Variants in PFKFB3 observed in about 807,000 individuals in gnomAD.
The protein encoded by PFKFB3 is 6-phosphofructo-2-kinase/fructose-2,6-bisphosphatase 3.
Under a neutral mutation model 68.0 loss-of-function variants are expected in PFKFB3, and 33 were observed. The observed-to-expected ratio is 0.49, with a 90% confidence interval of 0.37 to 0.65. The LOEUF is 0.65. Ranked by LOEUF, PFKFB3 falls within the 30% of genes least tolerant of loss-of-function variation. The pLI, the probability that PFKFB3 is intolerant of heterozygous loss-of-function variation, is 0.00. For synonymous variants in PFKFB3, 315 were observed against 288.2 expected, an observed-to-expected ratio of 1.09 and a Z score of -0.94; for missense variants, 586 against 712.2, an observed-to-expected ratio of 0.82 and a Z score of 2.02.
chr10:6,300,902 A>G, the PFKFB3 span, among the ~76,000 whole-genome samples: 1 of 152,198 alleles, frequency 6.6e-6, no homozygotes, highest in African/African-American at 2.4e-5. Flanking sequence ...CAGGATTTGA[A>G]AGGAGACAGG....
chr10:6,219,553 C>G lies in PFKFB3; in HGVS notation c.499-16C>G. 6.2e-7 allele frequency: 1 copy of G among 1,613,974 alleles called. No individual in the cohort carries two copies. The highest frequency in any genetic ancestry group is 2.2e-5 in the East Asian group (1 of 44,886). ...TTCCAGCGTGATTTATCAGCCACCC[C>G]TTTGTGGTGTTGCAGGAAGTTAAAA... On this transcript the variant is annotated splice_polypyrimidine_tract_variant and intron_variant, in intron 6 of 14. Transcript: ENST00000379775.
the PFKFB3 span, among the ~76,000 whole-genome samples, chr10:6,305,347 A>ATT: frequency 4.0e-5 from 3 of 75,718 alleles, no homozygotes; most frequent in East Asian, 1.1e-3. Flanking sequence ...AATATTAGGA[A>ATT]TTTTTTTTTT....
chr10:6,310,848 G>T, the PFKFB3 span, among the ~76,000 whole-genome samples: 1 of 152,198 alleles, frequency 6.6e-6, no homozygotes, highest in South Asian at 2.1e-4. Flanking sequence ...AGAGATAAGT[G>T]ATAGAACTAT....
rs1261039519 is a variant in PFKFB3 at position 6,210,919 on chromosome 10, A to G, written c.77-2704A>G. Reference sequence around the variant, plus strand: ...TAGACGGGGTTTCGCCGTGTTAGCCAGGATAGTCTTGATCTCCTGACCTCA... The same window carrying G: ...TAGACGGGGTTTCGCCGTGTTAGCCGGGATAGTCTTGATCTCCTGACCTCA... On this transcript the variant is annotated intron_variant, in intron 1 of 14. Transcript: ENST00000379775. 2.7e-4 allele frequency among the ~76,000 whole-genome samples: 15 copies of G among 56,296 alleles called. 7 individuals are homozygous for G. In the South Asian group the frequency reaches 0.011, roughly 41 times the overall value. 36.9% of individuals were successfully genotyped at this position (56,296 alleles called of 152,430 possible).
chr10:6,293,641 C>T, the PFKFB3 span: 5,934 of 250,140 alleles, frequency 0.024, 97 homozygotes, highest in Non-Finnish European at 0.036. Context: ...CCACGACGTC[C>T]GGTCTATTTT....
downstream of PFKFB3, among the ~76,000 whole-genome samples, chr10:6,238,628 G>A (rs1461713818): frequency 1.3e-5 from 2 of 151,078 alleles, no homozygotes; most frequent in Admixed American, 6.6e-5. Context: ...AGGTAAACTT[G>A]TGTCATGGGG....
In PFKFB3 at chr10:6,228,681, TGGGGAATAGTGGG is replaced by T. The variant is rs936968170; in HGVS notation, c.1515+2317_1515+2329del. Among the ~76,000 whole-genome samples, 16 of 71,624 alleles carry T rather than the reference TGGGGAATAGTGGG, an allele frequency of 2.2e-4. No homozygotes were observed. Among genetic ancestry groups the T allele is most frequent in the Admixed American group, 1.8e-3 (16 of 8,778 alleles). 47.0% of individuals were successfully genotyped at this position (71,624 alleles called of 152,430 possible). On this transcript the variant is annotated intron_variant, in intron 14 of 14. Coordinates refer to ENST00000379775, the MANE Select transcript of PFKFB3 (RefSeq NM_004566.4). The surrounding 1 kb of genome is among the most constrained non-coding windows in gnomAD (Gnocchi z 4.5). ...GAGCCTAATCTGTAAACCAAACCTATGGGGAATAGTGGGAGTGTGGTGGGGCCTGAGCTCTGAG... is the reference window on the plus strand; with the variant it reads ...GAGCCTAATCTGTAAACCAAACCTATAGTGTGGTGGGGCCTGAGCTCTGAG...
chr10:6,257,043 A>AT (rs1326041533), downstream of PFKFB3, among the ~76,000 whole-genome samples: 5 of 151,838 alleles, frequency 3.3e-5, no homozygotes, highest in South Asian at 2.1e-4. Context: ...CATATTTAAA[A>AT]TTTTTTTTTC....
the PFKFB3 span, among the ~76,000 whole-genome samples, chr10:6,308,666 C>A: frequency 6.6e-6 from 1 of 152,098 alleles, no homozygotes; most frequent in Non-Finnish European, 1.5e-5. Flanking sequence ...ACATTTGCTG[C>A]CTACAGTTAG....
intron 14 of PFKFB3, among the ~76,000 whole-genome samples, chr10:6,232,276 C>T (rs1037024322): frequency 2.0e-5 from 3 of 151,956 alleles, no homozygotes; most frequent in African/African-American, 2.4e-5. Context: ...GGGTTTGGTA[C>T]TGGCCAGTGC....
chr10:6,164,799 T>A (rs940734671), intron 1 of PFKFB3, among the ~76,000 whole-genome samples: 2 of 152,132 alleles, frequency 1.3e-5, no homozygotes, highest in Non-Finnish European at 2.9e-5. Flanking sequence ...TAGGCTAAGT[T>A]TATGTTTCCC....
intron 13 of PFKFB3, chr10:6,224,548 A>G (rs1157002951): frequency 2.1e-6 from 1 of 472,254 alleles, no homozygotes; most frequent in Non-Finnish European, 4.1e-6. Flanking sequence ...TGGCGCAGTC[A>G]CGGCTCACTG....
At chr10:6,280,404 G>C in the PFKFB3 span, among the ~76,000 whole-genome samples, 18 of 152,254 alleles carry the variant, frequency 1.2e-4, no homozygotes, top group Admixed American at 2.6e-4. Context: ...GCATCAGCCA[G>C]TGTTTGTGAA....
intron 1 of PFKFB3, among the ~76,000 whole-genome samples, chr10:6,165,977 A>AC: frequency 1.6e-5 from 2 of 128,900 alleles, no homozygotes; most frequent in South Asian, 4.8e-4. Context: ...ACCAGGCTCA[A>AC]CTTTTTTTTT....
In PFKFB3 at chr10:6,220,763, C is replaced by T. The variant is rs376533039; in HGVS notation, c.729C>T (p.His243=). Residue 243 remains histidine, a synonymous_variant, in exon 8 of 15, where the codon CAC becomes CAT. Transcript: ENST00000379775. The surrounding 1 kb of genome is among the most constrained non-coding windows in gnomAD (Gnocchi z 4.1). The stretch of plus-strand genomic sequence containing the variant: ...TCGTGTACTACCTGATGAACATCCA[C>T]GTGCAGCCGCGTACCATCTACCTGT... ...SRIVYYLMNI[H]VQPRTIYLCR... 47 of 1,613,982 alleles carry T rather than the reference C, an allele frequency of 2.9e-5. No individual in the cohort carries two copies. Among genetic ancestry groups the T allele is most frequent in the Admixed American group, 6.7e-5 (4 of 60,008 alleles).
At chr10:6,190,409 C>G (rs1482343783) in intron 1 of PFKFB3, among the ~76,000 whole-genome samples, 1 of 152,168 alleles carries the variant, frequency 6.6e-6, no homozygotes, top group Non-Finnish European at 1.5e-5. Context: ...CTCCTACATG[C>G]ATTCATTCAT....
the PFKFB3 span, among the ~76,000 whole-genome samples, chr10:6,273,990 G>A: frequency 6.6e-6 from 1 of 152,046 alleles, no homozygotes; most frequent in Non-Finnish European, 1.5e-5. Flanking sequence ...AGGATCACTT[G>A]AGCCCAGGAG....
At chr10:6,200,683 T>C (rs1018456143), upstream of PFKFB3, among the ~76,000 whole-genome samples, 1 of 9,644 alleles carries the variant, frequency 1.0e-4, no homozygotes, top group Admixed American at 9.1e-4. Context: ...GGGCGGGGGG[T>C]GGTGGTGGGG....
In PFKFB3 at chr10:6,196,999, T is replaced by TA. The variant is rs557155818; in HGVS notation, c.17-16624_17-16623insA. Reference sequence around the variant, plus strand: ...TACTTATTATTATTATTATTATTATTTTTGAGACAGAGTCTTGCTCTGTCC... The same window carrying TA: ...TACTTATTATTATTATTATTATTATTATTTGAGACAGAGTCTTGCTCTGTCC... On this transcript the variant is annotated intron_variant, in intron 1 of 14. Coordinates refer to the PFKFB3 transcript ENST00000379789. Among the ~76,000 whole-genome samples the TA allele has an allele frequency of 9.6e-3, 1,463 of 151,968 alleles. 22 individuals are homozygous for TA. The highest frequency in any genetic ancestry group is 0.027 in the African/African-American group (1,124 of 41,384).
Sources: allele counts gnomAD v4.1 joint callset (sites outside exome capture counted in the v4.1 genomes callset), GRCh38; gene constraint gnomAD v4.1.1; non-coding constraint Gnocchi (gnomAD v3.1); transcripts MANE v1.5; gene names NCBI Gene and HGNC (gene_info 2026-07-23, HGNC 2026-07-21).